Variants in ELMOD3 observed in about 807,000 individuals in gnomAD.
The protein encoded by ELMOD3 is ELMO domain-containing protein 3.
ELMOD3 carries 36 observed loss-of-function variants against 47.4 expected under a neutral mutation model. The ratio of observed to expected loss-of-function variants is 0.76; its 90% CI spans 0.58 to 1.00. ELMOD3 has a LOEUF of 1.00. Ranked by LOEUF, ELMOD3 falls within the 50% of genes least tolerant of loss-of-function variation. The pLI is 0.00. For missense variants in ELMOD3, 404 were observed against 463.8 expected, an observed-to-expected ratio of 0.87 and a Z score of 1.18; for synonymous variants, 149 against 183.5, an observed-to-expected ratio of 0.81 and a Z score of 1.52.
intron 11 of ELMOD3, chr2:85,389,427 G>C: frequency 2.7e-6 from 1 of 370,614 alleles, no homozygotes; most frequent in Non-Finnish European, 5.0e-6. Context: ...GGTTGGGTCT[G>C]CTGCAGGCCA....
rs140453777 is a variant in ELMOD3 at position 85,369,812 on chromosome 2, G to A, written c.342G>A (p.Val114=). The stretch of plus-strand genomic sequence containing the variant: ...AGGCCCTGCAGCACTTCCAGACTGT[G>A]GACCTTTCCCCCTTCAAGGTATGAG... ...FSEALQHFQT[V]DLSPFKKRIQ... is the part of the protein sequence containing the mutation. Residue 114 remains valine (V), a synonymous_variant, in exon 8 of 14, where the codon GTG becomes GTA. Coordinates refer to ENST00000409013, the MANE Select transcript of ELMOD3 (RefSeq NM_001135022.2). 1.2e-6 allele frequency: 2 copies of A among 1,614,104 alleles called. No homozygotes were observed. The highest frequency in any genetic ancestry group is 1.7e-6 in the Non-Finnish European group (2 of 1,179,976).
intron 11 of ELMOD3, among the ~76,000 whole-genome samples, chr2:85,385,966 CT>C (rs1471173966): frequency 6.6e-6 from 1 of 152,122 alleles, no homozygotes; most frequent in Non-Finnish European, 1.5e-5. Flanking sequence ...CCTAGAGCCC[CT>C]GTTTCCTGAC....
chr2:85,366,266 C>T (rs900649761), intron 6 of ELMOD3, among the ~76,000 whole-genome samples: 3 of 152,074 alleles, frequency 2.0e-5, no homozygotes, highest in Non-Finnish European at 4.4e-5. Context: ...CCACCGCACC[C>T]GGCCTACTCT....
In ELMOD3 at chr2:85,390,072, C is replaced by T. The variant is rs745597217; in HGVS notation, c.816-66C>T. 26 of 1,483,868 alleles carry T rather than the reference C, an allele frequency of 1.8e-5. No individual in the cohort carries two copies. In the East Asian group the frequency reaches 1.8e-4, roughly 10 times the overall value. The allele number at this position is 1,483,868 out of a possible 1,614,324, so 91.9% of individuals were successfully genotyped here. On this transcript the variant is annotated intron_variant, in intron 12 of 13. Coordinates refer to ENST00000409013, the MANE Select transcript of ELMOD3 (RefSeq NM_001135022.2). Reference sequence around the variant, plus strand: ...CCCCTGGGGAAATGGGGAAGGAAGGCGGGAGGGAACCTAGGTCTCAGCCTT... The same window carrying T: ...CCCCTGGGGAAATGGGGAAGGAAGGTGGGAGGGAACCTAGGTCTCAGCCTT...
chr2:85,375,619 C>A (rs79634832), intron 10 of ELMOD3, among the ~76,000 whole-genome samples: 1 of 152,142 alleles, frequency 6.6e-6, no homozygotes, highest in African/African-American at 2.4e-5. Flanking sequence ...TAATTGCTTA[C>A]CAAAGGCATT....
chr2:85,363,184 G>T lies in ELMOD3; in HGVS notation c.199+18G>T. 2 of 1,542,712 alleles carry T rather than the reference G, an allele frequency of 1.3e-6. No homozygotes were observed. Among genetic ancestry groups the T allele is most frequent in the Non-Finnish European group, 1.8e-6 (2 of 1,116,032 alleles). ...GCCACGTGGTAAGGTTCCCTTCAGG[G>T]CCCTTGGAGTCTGGGTGGGACCCAA... On this transcript the variant is annotated intron_variant, in intron 6 of 13. Coordinates refer to ENST00000409013, the MANE Select transcript of ELMOD3 (RefSeq NM_001135022.2).
intron 4 of ELMOD3, among the ~76,000 whole-genome samples, chr2:85,359,036 C>T (rs1254920199): frequency 2.0e-5 from 3 of 152,204 alleles, no homozygotes; most frequent in Admixed American, 6.5e-5. Context: ...AGCACTTTCT[C>T]ATTTGTCTTT....
chr2:85,363,197 G>A (rs1476482855), intron 6 of ELMOD3, 31 bp downstream of exon 6: 4 of 1,373,820 alleles, frequency 2.9e-6, no homozygotes, highest in Non-Finnish European at 4.2e-6. Context: ...CTTGGAGTCT[G>A]GGTGGGACCC....
rs929638837 is a variant in ELMOD3, at chr2:85,369,913, T to A, written c.360+83T>A. The A allele has an allele frequency of 4.2e-5, 64 of 1,528,140 alleles. 1 individual carries two copies. The South Asian group carries it at 7.6e-4, about 18-fold the overall frequency. The allele number at this position is 1,528,140 out of a possible 1,614,324, so 94.7% of individuals were successfully genotyped here. On this transcript the variant is annotated intron_variant, in intron 8 of 13. Coordinates refer to ENST00000409013, the MANE Select transcript of ELMOD3 (RefSeq NM_001135022.2). The stretch of plus-strand genomic sequence containing the variant: ...GCCTCTATCCCACCAGGACAGGGCA[T>A]TGGGCAAGCAAATCTCCCCTAAGAT...
chr2:85,382,527 T>TA (rs1176647196), intron 11 of ELMOD3, among the ~76,000 whole-genome samples: 2 of 151,254 alleles, frequency 1.3e-5, no homozygotes, highest in Non-Finnish European at 3.0e-5. Context: ...AGGACTTTTT[T>TA]TTTTTGAGAC....
At chr2:85,375,318 G>C (rs920228272) in intron 10 of ELMOD3, among the ~76,000 whole-genome samples, 2 of 152,082 alleles carry the variant, frequency 1.3e-5, no homozygotes, top group African/African-American at 2.4e-5. Flanking sequence ...TGCTATCTTT[G>C]TTCATTTTTT....
intron 10 of ELMOD3, chr2:85,372,052 C>A (rs1206008244): frequency 1.9e-5 from 3 of 154,064 alleles, no homozygotes; most frequent in African/African-American, 7.2e-5. Flanking sequence ...GCCTGTAATC[C>A]CAGCTACTCG....
At chr2:85,386,461 T>C (rs1685929817) in intron 11 of ELMOD3, among the ~76,000 whole-genome samples, 1 of 142,672 alleles carries the variant, frequency 7.0e-6, no homozygotes, top group African/African-American at 2.6e-5. Context: ...CTCAACTCAC[T>C]GCAACCTCTG....
chr2:85,369,582 C>G (rs1251090256), intron 7 of ELMOD3, among the ~76,000 whole-genome samples, 157 bp from the exon 8 acceptor site: 5 of 152,200 alleles, frequency 3.3e-5, no homozygotes, highest in African/African-American at 1.2e-4. Context: ...GCCGACAATG[C>G]CAGCCTCTTG....
At position 85,371,320 on chromosome 2, in the gene ELMOD3, G is replaced by A. The variant is rs146704263; in HGVS notation, c.484+111G>A. The A allele has an allele frequency of 4.0e-4, 641 of 1,596,594 alleles. 6 individuals carry two copies. In the African/African-American group the frequency reaches 7.3e-3, roughly 18 times the overall value. ...GAATATTGCATGTACCATGGTTGGCGGGTGAGAGTGGGAGCTGAGAACTGG... is the reference window on the plus strand; with the variant it reads ...GAATATTGCATGTACCATGGTTGGCAGGTGAGAGTGGGAGCTGAGAACTGG... On this transcript the variant is annotated intron_variant, in intron 9 of 13. Transcript: ENST00000409013.
chr2:85,375,617 T>A (rs774395972), intron 10 of ELMOD3, among the ~76,000 whole-genome samples: 1 of 152,236 alleles, frequency 6.6e-6, no homozygotes, highest in African/African-American at 2.4e-5. Context: ...CATAATTGCT[T>A]ACCAAAGGCA....
intron 11 of ELMOD3, among the ~76,000 whole-genome samples, chr2:85,379,770 A>G (rs56277607): frequency 0.023 from 3,557 of 152,282 alleles, 144 homozygotes; most frequent in African/African-American, 0.08. Context: ...GCTTTTTTTA[A>G]AAATTGGCTT....
chr2:85,364,457 G>A (rs1184349745), intron 6 of ELMOD3, among the ~76,000 whole-genome samples: 2 of 151,810 alleles, frequency 1.3e-5, no homozygotes, highest in Admixed American at 1.3e-4. Context: ...GGTGGTGCAC[G>A]CCTGTAATCC....
At chr2:85,374,681 G>A (rs944824232) in intron 10 of ELMOD3, among the ~76,000 whole-genome samples, 3 of 151,816 alleles carry the variant, frequency 2.0e-5, no homozygotes, top group South Asian at 2.1e-4. Flanking sequence ...GTGTGGTGGC[G>A]CATGCTTATA....
Sources: gnomAD v4.1 joint callset for allele counts (sites outside exome capture counted in the v4.1 genomes callset) on GRCh38, gnomAD v4.1.1 for gene constraint, MANE v1.5 for transcripts, NCBI Gene and HGNC (gene_info 2026-07-23, HGNC 2026-07-21) for gene names.